AGAP3: variants seen among roughly 807,000 people sequenced by gnomAD.
The protein encoded by AGAP3 is ArfGAP with GTPase domain, ankyrin repeat and PH domain 3.
In AGAP3, 24 loss-of-function variants were observed where a neutral mutation model predicts 96.9. The ratio of observed to expected loss-of-function variants is 0.25; its 90% CI spans 0.18 to 0.35. The LOEUF is 0.35. Ranked by LOEUF, AGAP3 falls within the 10% of genes least tolerant of loss-of-function variation. The pLI, the probability that AGAP3 is intolerant of heterozygous loss-of-function variation, is 1.00. For missense variants in AGAP3, 876 were observed against 1,254.2 expected (o/e 0.70, Z 4.55); for synonymous variants, 563 against 536.1 (o/e 1.05, Z -0.69).
In AGAP3 at chr7:151,143,636, C is replaced by T. The variant is rs776253366; in HGVS notation, c.2529+40C>T. On this transcript the variant is annotated intron_variant, in intron 17 of 17. Transcript: ENST00000397238. The surrounding 1 kb of genome is among the most constrained non-coding windows in gnomAD (Gnocchi z 5.9). ...TCTAGCCTGCCCTGACCTCGCTCTTCTTAGCCTTGTTCTTTGAAAGCAACC... is the reference window on the plus strand; with the variant it reads ...TCTAGCCTGCCCTGACCTCGCTCTTTTTAGCCTTGTTCTTTGAAAGCAACC... 6.3e-7 allele frequency: 1 copy of T among 1,599,590 alleles called. No individual in the cohort carries two copies. The highest frequency in any genetic ancestry group is 1.1e-5 in the South Asian group (1 of 88,734).
chr7:151,112,396 CGTGTGTGTGTGTGTGT>C (rs71819427), intron 1 of AGAP3, among the ~76,000 whole-genome samples: 53 of 139,950 alleles, frequency 3.8e-4, no homozygotes, highest in African/African-American at 9.4e-4. Flanking sequence ...TTCCCCGAGA[CGTGTGTGTGTGTGTGT>C]GTGTGTGTGT....
At position 151,141,063 on chromosome 7, in the gene AGAP3, G is replaced by A. The variant is rs1296204465; in HGVS notation, c.1805-835G>A. On this transcript the variant is annotated intron_variant, in intron 13 of 17. Transcript: ENST00000397238. This position sits in a 1 kb window ranked among gnomAD's most constrained non-coding sequence, Gnocchi z 4.2. ...GGACTTACAAGCAGAGATGGCCTTG[G>A]CAGAACTGGGGTTCACCCTGGGGCC... 6.6e-6 allele frequency: 1 copy of A among 152,190 alleles called. No individual in the cohort carries two copies. The highest frequency in any genetic ancestry group is 1.9e-4 in the East Asian group (1 of 5,192). 9.4% of individuals were successfully genotyped at this position (152,190 alleles called of 1,614,324 possible).
intron 8 of AGAP3, chr7:151,123,103 G>T (rs1245204615): frequency 8.7e-7 from 1 of 1,146,802 alleles, no homozygotes; most frequent in Non-Finnish European, 1.1e-6. Context: ...AGCCCGCCCG[G>T]CCCGGCTGCT....
At position 151,087,248 on chromosome 7, in the gene AGAP3, A is replaced by G. The variant is rs1399761680; in HGVS notation, c.331+176A>G. On this transcript the variant is annotated intron_variant, in intron 1 of 17. Transcript: ENST00000397238. ...CAGAACCGGCGGGCAGCTTCGCCAT[A>G]TCTCGTTCGGGGACACTTTGGGGTT... 3.8e-5 allele frequency: 26 copies of G among 681,846 alleles called. No homozygotes were observed. In the East Asian group the frequency reaches 7.2e-4, roughly 19 times the overall value. The allele number at this position is 681,846 out of a possible 1,614,324, so 42.2% of individuals were successfully genotyped here.
chr7:151,126,642 T>G (rs1475582861), intron 9 of AGAP3, among the ~76,000 whole-genome samples: 1 of 152,148 alleles, frequency 6.6e-6, no homozygotes, highest in Non-Finnish European at 1.5e-5. Context: ...GCTAGTCCCA[T>G]GGCTGGTCGC....
rs752599574 is a variant in AGAP3, at chr7:151,120,060, G to T, written c.1043G>T (p.Arg348Leu). The T allele has an allele frequency of 6.2e-7, 1 of 1,613,860 alleles. No individual in the cohort carries two copies. Among genetic ancestry groups the T allele is most frequent in the East Asian group, 2.2e-5 (1 of 44,840 alleles). ...SVPSTPSISQ[R>L]ELRIETIAAS... ...CCCTCCACCCCCAGCATCAGCCAGC[G>T]GGAGCTGCGCATCGAGACCATCGCT... is the stretch of plus-strand genomic sequence containing the variant. Residue 348 changes from arginine to leucine, a missense_variant, in exon 8 of 18, where the codon CGG becomes CTG. By Grantham distance (102) the Arg-to-Leu change is moderately radical. Transcript: ENST00000397238.
At position 151,118,008 on chromosome 7, in the gene AGAP3, CT is replaced by C; in HGVS notation, c.707-201del. 1.1e-6 allele frequency: 1 copy of C among 888,038 alleles called. No homozygotes were observed. Among genetic ancestry groups the C allele is most frequent in the Non-Finnish European group, 1.7e-6 (1 of 592,734 alleles). 55.0% of individuals were successfully genotyped at this position (888,038 alleles called of 1,614,324 possible). On this transcript the variant is annotated intron_variant, in intron 5 of 17. Coordinates refer to ENST00000397238, the MANE Select transcript of AGAP3 (RefSeq NM_031946.7). The surrounding 1 kb of genome is among the most constrained non-coding windows in gnomAD (Gnocchi z 6.1). ...GTGTTTTTTTAGATGAATAAACGTG[CT>C]CAGAGCTTAAGTGCTTGCTGGTTTG...
At chr7:151,127,298 C>A (rs185923139) in intron 9 of AGAP3, among the ~76,000 whole-genome samples, 107 of 152,286 alleles carry the variant, frequency 7.0e-4, no homozygotes, top group Non-Finnish European at 1.1e-3. Context: ...TGTCTTCTGG[C>A]GGGGCCCTCC....
intron 1 of AGAP3, among the ~76,000 whole-genome samples, chr7:151,109,943 T>C (rs552349622): frequency 6.6e-6 from 1 of 152,362 alleles, no homozygotes; most frequent in East Asian, 1.9e-4. Flanking sequence ...AGGGCTGGCC[T>C]GCACAGCACC....
intron 1 of AGAP3, among the ~76,000 whole-genome samples, chr7:151,092,168 G>A (rs1368264665): frequency 1.3e-5 from 2 of 152,158 alleles, no homozygotes; most frequent in East Asian, 1.9e-4. Flanking sequence ...CTTGAGCCAC[G>A]CCAGCATCCA....
chr7:151,134,643 G>T, intron 11 of AGAP3, 75 bp downstream of exon 11: 1 of 1,447,242 alleles, frequency 6.9e-7, no homozygotes. Flanking sequence ...TCTGGGCTTG[G>T]CTGCTTCTCA....
At position 151,141,946 on chromosome 7, in the gene AGAP3, C is replaced by T. The variant is rs377260907; in HGVS notation, c.1853C>T (p.Thr618Met). ...EFVVVSLTGQTWHFEASTAEE... is the reference protein window; with the variant it reads ...EFVVVSLTGQMWHFEASTAEE... ...GTGGTGGTGTCCCTCACTGGGCAGA[C>T]GTGGCACTTCGAGGCTTCAACGGCG... Residue 618 changes from threonine to methionine, a missense_variant, in exon 14 of 18, where the codon ACG (threonine) becomes ATG (methionine). By Grantham distance (81) the Thr-to-Met change is moderately conservative. Around this residue, in one of 8 missense-constraint regions of AGAP3, gnomAD observed 103 missense variants for 183.0 expected, o/e 0.56. Coordinates refer to ENST00000397238, the MANE Select transcript of AGAP3 (RefSeq NM_031946.7). This position sits in a 1 kb window ranked among gnomAD's most constrained non-coding sequence, Gnocchi z 4.2. The T allele has an allele frequency of 2.2e-5, 36 of 1,613,636 alleles. No individual in the cohort carries two copies. The highest frequency in any genetic ancestry group is 8.3e-5 in the Admixed American group (5 of 59,996).
At chr7:151,117,586 G>A (rs764834844) in intron 4 of AGAP3, 50 bp from the exon 5 acceptor site, 2 of 1,612,242 alleles carry the variant, frequency 1.2e-6, no homozygotes, top group Admixed American at 1.7e-5. Flanking sequence ...CCCTGCATGG[G>A]AGTTTGCCAG....
rs958526212 is a variant in AGAP3, at chr7:151,133,574, G to A, written c.1327-826G>A. On this transcript the variant is annotated intron_variant, in intron 10 of 17. Transcript: ENST00000397238. This position sits in a 1 kb window ranked among gnomAD's most constrained non-coding sequence, Gnocchi z 5.4. Reference sequence around the variant, plus strand: ...AGGCTGGAGGAAGCCTGCACACAGGGCACAGGCTTGGGAATCTGAAAAACC... The same window carrying A: ...AGGCTGGAGGAAGCCTGCACACAGGACACAGGCTTGGGAATCTGAAAAACC... Among the ~76,000 whole-genome samples the A allele has an allele frequency of 1.3e-5, 2 of 152,166 alleles. No individual in the cohort carries two copies. Among genetic ancestry groups the A allele is most frequent in the Admixed American group, 6.5e-5 (1 of 15,286 alleles).
intron 1 of AGAP3, among the ~76,000 whole-genome samples, chr7:151,091,110 C>T (rs1169979803): frequency 6.6e-6 from 1 of 152,212 alleles, no homozygotes; most frequent in East Asian, 1.9e-4. Context: ...TGCCAGGGTG[C>T]TCTCTTGAGC....
chr7:151,115,082 C>T (rs1196684767), intron 1 of AGAP3: 2 of 1,021,822 alleles, frequency 2.0e-6, no homozygotes, highest in African/African-American at 3.5e-5. Flanking sequence ...GCCCCGCGTC[C>T]AGCCCCGCGC....
intron 1 of AGAP3, among the ~76,000 whole-genome samples, chr7:151,091,114 C>G (rs533301612): frequency 6.6e-6 from 1 of 152,330 alleles, no homozygotes; most frequent in East Asian, 1.9e-4. Context: ...AGGGTGCTCT[C>G]TTGAGCTTTC....
rs1585077315 is a variant in AGAP3, at chr7:151,118,664, T to C, written c.969+32T>C. On this transcript the variant is annotated intron_variant, in intron 7 of 17. Transcript: ENST00000397238. The surrounding 1 kb of genome is among the most constrained non-coding windows in gnomAD (Gnocchi z 6.1). Reference sequence around the variant, plus strand: ...CCTGTGCCCCGCCCTGCCCTTCCTGTCCCCACCATGTCTGTCTTGCCTCTG... The same window carrying C: ...CCTGTGCCCCGCCCTGCCCTTCCTGCCCCCACCATGTCTGTCTTGCCTCTG... 1 of 1,604,292 alleles carries C rather than the reference T, an allele frequency of 6.2e-7. No homozygotes were observed. Among genetic ancestry groups the C allele is most frequent in the Non-Finnish European group, 8.5e-7 (1 of 1,177,170 alleles).
At chr7:151,122,157 A>G (rs1302334067) in intron 8 of AGAP3, among the ~76,000 whole-genome samples, 1 of 151,838 alleles carries the variant, frequency 6.6e-6, no homozygotes, top group Non-Finnish European at 1.5e-5. Flanking sequence ...CTGTCTGGGG[A>G]CCCGGTGGCA....
Sources: gnomAD v4.1 joint callset for allele counts (sites outside exome capture counted in the v4.1 genomes callset) on GRCh38, gnomAD v4.1.1 for gene constraint, gnomAD v4.1.1 regional missense constraint, Gnocchi (gnomAD v3.1) non-coding constraint, MANE v1.5 for transcripts, NCBI Gene and HGNC (gene_info 2026-07-23, HGNC 2026-07-21) for gene names.